PMS1: variants seen among roughly 807,000 people sequenced by gnomAD.
PMS1 encodes PMS1 homolog 1, mismatch repair system component.
In PMS1, 79 loss-of-function variants were observed where a neutral mutation model predicts 93.1. That is an observed-to-expected ratio of 0.85 (90% CI 0.71 to 1.02). The LOEUF is 1.02. Ranked by LOEUF, PMS1 falls within the 50% of genes least tolerant of loss-of-function variation. The pLI, the probability that PMS1 is intolerant of heterozygous loss-of-function variation, is 0.00. For missense variants in PMS1, 1,064 were observed against 1,085.3 expected (o/e 0.98, Z 0.28); for synonymous variants, 335 against 363.4 (o/e 0.92, Z 0.89).
intron 9 of PMS1, among the ~76,000 whole-genome samples, chr2:189,863,373 C>T (rs571695927): frequency 1.3e-5 from 2 of 151,862 alleles, no homozygotes; most frequent in East Asian, 1.9e-4. Context: ...CATGCCTCAG[C>T]CTTCTGAGTA....
intron 1 of PMS1, among the ~76,000 whole-genome samples, chr2:189,791,538 AC>A (rs1429935668): frequency 6.6e-6 from 1 of 151,884 alleles, no homozygotes; most frequent in African/African-American, 2.4e-5. Context: ...GGGTGGCTGA[AC>A]CTGGGAGGCA....
intron 5 of PMS1, among the ~76,000 whole-genome samples, chr2:189,830,474 A>C (rs571163227): frequency 2.0e-5 from 3 of 152,222 alleles, no homozygotes; most frequent in Non-Finnish European, 4.4e-5. Context: ...TAAAATTGCA[A>C]CCATTTCCCC....
At chr2:189,811,685 A>C (rs2050859498) in intron 4 of PMS1, among the ~76,000 whole-genome samples, 1 of 152,348 alleles carries the variant, frequency 6.6e-6, no homozygotes, top group East Asian at 1.9e-4. Context: ...ACAAAGCCAC[A>C]TACCAAAGAG....
chr2:189,802,783 A>G (rs924329945), intron 3 of PMS1, among the ~76,000 whole-genome samples: 13 of 152,186 alleles, frequency 8.5e-5, no homozygotes, highest in African/African-American at 1.9e-4. Flanking sequence ...CTCCTTTTCC[A>G]CAGTGTAGGG....
intron 6 of PMS1, among the ~76,000 whole-genome samples, chr2:189,847,613 G>A (rs1207172415): frequency 8.6e-5 from 13 of 151,896 alleles, no homozygotes; most frequent in Non-Finnish European, 1.8e-4. Flanking sequence ...TGTTTATTAG[G>A]AGGTCAGTTT....
chr2:189,849,075 A>G (rs2054483576), intron 6 of PMS1, among the ~76,000 whole-genome samples: 1 of 151,370 alleles, frequency 6.6e-6, no homozygotes, highest in African/African-American at 2.4e-5. Flanking sequence ...ATCTTTATAT[A>G]TCTCTTCCCA....
chr2:189,851,230 A>C (rs1235889094), intron 6 of PMS1, among the ~76,000 whole-genome samples: 3 of 152,202 alleles, frequency 2.0e-5, no homozygotes. Context: ...TTAAGTGGCC[A>C]ACCAAGGTGG....
At chr2:189,835,715 C>A (rs1306732776) in intron 5 of PMS1, among the ~76,000 whole-genome samples, 1 of 151,930 alleles carries the variant, frequency 6.6e-6, no homozygotes, top group African/African-American at 2.4e-5. Flanking sequence ...CGCTTGAGTC[C>A]AGGAGTTCAA....
At chr2:189,876,933 C>T (rs964151813) in intron 12 of PMS1, among the ~76,000 whole-genome samples, 1 of 152,038 alleles carries the variant, frequency 6.6e-6, no homozygotes, top group Non-Finnish European at 1.5e-5. Context: ...TAAATTCAAG[C>T]TTAAAGTCAT....
intron 5 of PMS1, among the ~76,000 whole-genome samples, chr2:189,843,587 G>A (rs1262401661): frequency 2.6e-5 from 4 of 152,108 alleles, no homozygotes; most frequent in South Asian, 2.1e-4. Context: ...AAATATACAC[G>A]GAAGTCTATG....
intron 10 of PMS1, among the ~76,000 whole-genome samples, chr2:189,865,726 A>C (rs1026901886): frequency 2.0e-5 from 3 of 152,172 alleles, no homozygotes; most frequent in Non-Finnish European, 2.9e-5. Flanking sequence ...ATAATGACTA[A>C]CCTATTAACA....
intron 10 of PMS1, among the ~76,000 whole-genome samples, chr2:189,865,609 G>A (rs897196556): frequency 6.6e-6 from 1 of 152,072 alleles, no homozygotes; most frequent in African/African-American, 2.4e-5. Flanking sequence ...TTGTAATATA[G>A]GGTATTTCCT....
intron 4 of PMS1, 22 bp from the exon 5 acceptor site, chr2:189,817,995 C>T: frequency 1.3e-6 from 2 of 1,582,000 alleles, no homozygotes; most frequent in East Asian, 2.2e-5. Context: ...TCTAAATGTG[C>T]TTTTCTCTTG....
intron 5 of PMS1, among the ~76,000 whole-genome samples, chr2:189,822,351 A>T (rs959690367): frequency 6.6e-6 from 1 of 152,212 alleles, no homozygotes; most frequent in African/African-American, 2.4e-5. Context: ...AGTGGACTGG[A>T]GGCAGAATAC....
At chr2:189,786,991 T>C (rs1329765829) in intron 1 of PMS1, among the ~76,000 whole-genome samples, 2 of 152,122 alleles carry the variant, frequency 1.3e-5, no homozygotes, top group African/African-American at 4.8e-5. Flanking sequence ...AGGTGGAGGC[T>C]GCAGTGAGCG....
intron 4 of PMS1, among the ~76,000 whole-genome samples, chr2:189,811,784 G>C (rs967644621): frequency 6.6e-6 from 1 of 152,194 alleles, no homozygotes. Context: ...GTGTTGGACA[G>C]GAGTGTTGTT....
chr2:189,789,724 C>T (rs910638949), intron 1 of PMS1, among the ~76,000 whole-genome samples: 5 of 151,982 alleles, frequency 3.3e-5, no homozygotes, highest in African/African-American at 1.2e-4. Context: ...TTTATTTGCA[C>T]CTAGATTGCA....
At chr2:189,821,214 T>C (rs1237836408) in intron 5 of PMS1, among the ~76,000 whole-genome samples, 2 of 152,046 alleles carry the variant, frequency 1.3e-5, no homozygotes, top group East Asian at 1.9e-4. Context: ...CCCAGCACTT[T>C]GGGAGGCTGA....
intron 10 of PMS1, among the ~76,000 whole-genome samples, chr2:189,866,459 TGTAA>T (rs2056667625): frequency 6.6e-6 from 1 of 152,176 alleles, no homozygotes; most frequent in African/African-American, 2.4e-5. Context: ...CAGTTAATGA[TGTAA>T]GTTTTTCAAA....
Sources: gnomAD v4.1 joint callset for allele counts (sites outside exome capture counted in the v4.1 genomes callset) on GRCh38, gnomAD v4.1.1 for gene constraint, MANE v1.5 for transcripts, NCBI Gene and HGNC (gene_info 2026-07-23, HGNC 2026-07-21) for gene names.